CACNA1C: variants seen among roughly 807,000 people sequenced by gnomAD.
CACNA1C encodes the protein calcium voltage-gated channel subunit alpha1 C.
A neutral mutation model predicts 229.0 loss-of-function variants in CACNA1C; 30 were observed. The observed-to-expected ratio is 0.13, with a 90% CI of 0.10 to 0.18. CACNA1C has a LOEUF of 0.18. Ranked by LOEUF, CACNA1C falls within the 10% of genes least tolerant of loss-of-function variation. The probability of loss-of-function intolerance (pLI) is 1.00; values close to 1 mark genes in which losing one functional copy is unlikely to be tolerated. For missense variants in CACNA1C, 1,658 were observed against 2,845.0 expected (o/e 0.58, Z 9.49); for synonymous variants, 1,114 against 1,132.5 (o/e 0.98, Z 0.33).
Position 2,059,526 on chromosome 12 carries a change from C to T in CACNA1C, c.49+5915C>T, listed in dbSNP as rs1487416047. Among the ~76,000 whole-genome samples, 3 of 151,656 alleles carry T rather than the reference C, an allele frequency of 2.0e-5. No individual in the cohort carries two copies. In the East Asian group the frequency reaches 5.8e-4, roughly 29 times the overall value. On this transcript the variant is annotated intron_variant, in intron 1 of 46. Transcript: ENST00000399655. ...AGAAACCCAAACCTCTCAGCCCCTCCCCTCCCCAAAACCCCACAGAACAGT... is the reference window on the plus strand; with the variant it reads ...AGAAACCCAAACCTCTCAGCCCCTCTCCTCCCCAAAACCCCACAGAACAGT...
intron 3 of CACNA1C, among the ~76,000 whole-genome samples, chr12:2,338,266 T>A (rs1212714485): frequency 1.3e-5 from 2 of 152,080 alleles, no homozygotes; most frequent in African/African-American, 4.8e-5. Flanking sequence ...AATCAGTAAG[T>A]CAGAGAATCG....
chr12:1,994,432 T>G (rs1189461947), intron 1 of CACNA1C, among the ~76,000 whole-genome samples: 1 of 152,210 alleles, frequency 6.6e-6, no homozygotes, highest in Non-Finnish European at 1.5e-5. Context: ...TTCTGAAACC[T>G]CCAATTTTAA....
intron 1 of CACNA1C, among the ~76,000 whole-genome samples, chr12:1,984,226 C>T (rs368333266): frequency 2.6e-5 from 4 of 152,026 alleles, no homozygotes; most frequent in East Asian, 1.9e-4. Context: ...TTACATGTAA[C>T]GTAACTACCG....
chr12:2,131,798 G>A (rs1262330994), intron 3 of CACNA1C, among the ~76,000 whole-genome samples: 8 of 149,020 alleles, frequency 5.4e-5, no homozygotes, highest in African/African-American at 2.0e-4. Context: ...GCTCTTTTTT[G>A]GTTCCATATG....
intron 3 of CACNA1C, among the ~76,000 whole-genome samples, chr12:2,321,623 A>G (rs2096003325): frequency 6.6e-6 from 1 of 152,172 alleles, no homozygotes; most frequent in Non-Finnish European, 1.5e-5. Flanking sequence ...AAGCAGGTAA[A>G]CAAGTGAATA....
intron 3 of CACNA1C, among the ~76,000 whole-genome samples, chr12:2,230,625 A>C (rs1328484788): frequency 2.0e-5 from 3 of 152,212 alleles, no homozygotes; most frequent in Non-Finnish European, 4.4e-5. Context: ...CCCGCGCCTG[A>C]TCACTAACGG....
At chr12:2,490,369 T>C (rs540888391) in intron 6 of CACNA1C, among the ~76,000 whole-genome samples, 19 of 152,378 alleles carry the variant, frequency 1.2e-4, no homozygotes, top group African/African-American at 4.6e-4. Flanking sequence ...TGCTGTCAGA[T>C]GAGTGGTCCC....
At chr12:2,195,384 T>C (rs999294106) in intron 3 of CACNA1C, among the ~76,000 whole-genome samples, 1 of 152,206 alleles carries the variant, frequency 6.6e-6, no homozygotes, top group Non-Finnish European at 1.5e-5. Flanking sequence ...GTGCTACTGC[T>C]ACTACCACTG....
At chr12:2,392,640 C>T (rs1316283221) in intron 3 of CACNA1C, among the ~76,000 whole-genome samples, 1 of 152,160 alleles carries the variant, frequency 6.6e-6, no homozygotes, top group Non-Finnish European at 1.5e-5. Flanking sequence ...TTTGGTGTCT[C>T]CAAGATACCT....
intron 3 of CACNA1C, among the ~76,000 whole-genome samples, chr12:2,136,101 C>T (rs1284447972): frequency 4.6e-5 from 7 of 151,298 alleles, no homozygotes; most frequent in Non-Finnish European, 8.9e-5. Flanking sequence ...TTCTTTGACT[C>T]GGAAAGGGAA....
At chr12:2,533,338 G>C (rs1314179142) in intron 9 of CACNA1C, among the ~76,000 whole-genome samples, 1 of 152,192 alleles carries the variant, frequency 6.6e-6, no homozygotes, top group Non-Finnish European at 1.5e-5. Flanking sequence ...CTCATGGGTG[G>C]GTGGCTGGAT....
At chr12:2,210,368 C>T (rs1443413628) in intron 3 of CACNA1C, among the ~76,000 whole-genome samples, 1 of 152,224 alleles carries the variant, frequency 6.6e-6, no homozygotes, top group Non-Finnish European at 1.5e-5. Flanking sequence ...TGTAACAGTG[C>T]ATGCCATCAG....
At chr12:2,525,423 T>G (rs1401306483) in intron 9 of CACNA1C, among the ~76,000 whole-genome samples, 1 of 152,192 alleles carries the variant, frequency 6.6e-6, no homozygotes, top group Non-Finnish European at 1.5e-5. Flanking sequence ...CTTGTGCTTT[T>G]CAGCCTCAGG....
At chr12:2,419,066 C>T (rs567885271) in intron 3 of CACNA1C, among the ~76,000 whole-genome samples, 8 of 152,318 alleles carry the variant, frequency 5.3e-5, no homozygotes, top group African/African-American at 1.9e-4. Flanking sequence ...AAAACTGAGG[C>T]CCTCCGGGGC....
chr12:2,172,059 CAATA>C (rs2096504626), intron 3 of CACNA1C, among the ~76,000 whole-genome samples: 1 of 152,160 alleles, frequency 6.6e-6, no homozygotes, highest in African/African-American at 2.4e-5. Context: ...GGACCGTGGA[CAATA>C]AATAAACTCC....
At chr12:2,020,225 G>A (rs762979060) in intron 1 of CACNA1C, 12 of 152,164 alleles carry the variant, frequency 7.9e-5, no homozygotes, top group Non-Finnish European at 1.0e-4. Flanking sequence ...CATGTGAAGC[G>A]CTTTGCTTGT....
At chr12:1,997,965 T>C in intron 1 of CACNA1C, 1 of 1,609,324 alleles carries the variant, frequency 6.2e-7, no homozygotes, top group Non-Finnish European at 8.5e-7. Context: ...TCCTTCCACA[T>C]CAGTTTTCTC....
intron 3 of CACNA1C, among the ~76,000 whole-genome samples, chr12:2,317,460 T>C (rs2095752476): frequency 6.6e-6 from 1 of 152,048 alleles, no homozygotes; most frequent in Non-Finnish European, 1.5e-5. Context: ...TTTATAGAGA[T>C]GGGAAGCAGG....
chr12:2,627,219 T>A (rs1403731515), intron 29 of CACNA1C, among the ~76,000 whole-genome samples: 1 of 152,122 alleles, frequency 6.6e-6, no homozygotes, highest in Non-Finnish European at 1.5e-5. Context: ...AGGGCAGAAA[T>A]CCCCACCTCC....
Sources: allele counts gnomAD v4.1 joint callset (sites outside exome capture counted in the v4.1 genomes callset), GRCh38; gene constraint gnomAD v4.1.1; transcripts MANE v1.5; gene names NCBI Gene and HGNC (gene_info 2026-07-23, HGNC 2026-07-21).